Variants in RRAGD observed in about 807,000 individuals in gnomAD.
RRAGD encodes the protein ras-related GTP-binding protein D.
Under a neutral mutation model 35.5 loss-of-function variants are expected in RRAGD, and 12 were observed. The observed-to-expected ratio is 0.34, with a 90% CI of 0.22 to 0.55. The LOEUF is 0.55. Ranked by LOEUF, RRAGD falls within the 20% of genes least tolerant of loss-of-function variation. RRAGD has a pLI of 0.91. For missense variants in RRAGD, 324 were observed against 490.1 expected, an observed-to-expected ratio of 0.66 and a Z score of 3.20; for synonymous variants, 155 against 178.9, an observed-to-expected ratio of 0.87 and a Z score of 1.07.
Position 89,411,575 on chromosome 6 carries a change from C to T in RRAGD, c.148+271G>A. On this transcript the variant is annotated intron_variant, in intron 1 of 6. Transcript: ENST00000369415. The surrounding 1 kb of genome is among the most constrained non-coding windows in gnomAD (Gnocchi z 5.6). The stretch of plus-strand genomic sequence containing the variant: ...CGGGAGGCACCGGCTCTGAAAGGGG[C>T]AGAAGCGCGCGCTCCTCCAGCCCAG... The T allele has an allele frequency of 2.0e-6, 1 of 497,772 alleles. No homozygotes were observed. Among genetic ancestry groups the T allele is most frequent in the Non-Finnish European group, 3.6e-6 (1 of 277,680 alleles). 30.8% of individuals were successfully genotyped at this position (497,772 alleles called of 1,614,324 possible). A position where few individuals can be genotyped will look rare whatever the true frequency, so the allele number is the denominator to read the frequency against.
chr6:89,411,742 G>T lies in RRAGD; in HGVS notation c.148+104C>A, dbSNP rs959471777. 7.8e-7 allele frequency: 1 copy of T among 1,289,608 alleles called. No homozygotes were observed. The highest frequency in any genetic ancestry group is 1.1e-6 in the Non-Finnish European group (1 of 951,338). The allele number at this position is 1,289,608 out of a possible 1,614,324, so 79.9% of individuals were successfully genotyped here. On this transcript the variant is annotated intron_variant, in intron 1 of 6. Transcript: ENST00000369415. This position sits in a 1 kb window ranked among gnomAD's most constrained non-coding sequence, Gnocchi z 5.6. Reference sequence around the variant, plus strand: ...ACCCTCAACTGGACCCGCTCCCCTGGACCCCCTCCAAGTCGGTGGCTCGCG... The same window carrying T: ...ACCCTCAACTGGACCCGCTCCCCTGTACCCCCTCCAAGTCGGTGGCTCGCG...
chr6:89,381,560 C>G (rs75283929), intron 2 of RRAGD, among the ~76,000 whole-genome samples: 3 of 152,202 alleles, frequency 2.0e-5, no homozygotes, highest in Non-Finnish European at 4.4e-5. Flanking sequence ...TACATTAATA[C>G]AGACATATAT....
intron 5 of RRAGD, among the ~76,000 whole-genome samples, chr6:89,376,895 T>C (rs9359850): frequency 0.032 from 4,868 of 152,206 alleles, 306 homozygotes; most frequent in East Asian, 0.27. Context: ...CAACACAGAT[T>C]TGAACTGCCT....
chr6:89,385,709 T>C (rs928811055), intron 2 of RRAGD, among the ~76,000 whole-genome samples: 9 of 152,070 alleles, frequency 5.9e-5, no homozygotes, highest in Non-Finnish European at 5.9e-5. Flanking sequence ...AGATCAGGCA[T>C]TGGATTTGAA....
intron 1 of RRAGD, among the ~76,000 whole-genome samples, chr6:89,405,114 G>T (rs1269500724): frequency 6.6e-6 from 1 of 152,066 alleles, no homozygotes; most frequent in Non-Finnish European, 1.5e-5. Flanking sequence ...ACTTTGGGAG[G>T]CCAAGGTGGG....
intron 1 of RRAGD, among the ~76,000 whole-genome samples, chr6:89,389,160 A>C (rs1769187512): frequency 6.6e-6 from 1 of 152,158 alleles, no homozygotes; most frequent in Admixed American, 6.5e-5. Context: ...ATCCTCACAG[A>C]AAGTTCTAGA....
chr6:89,377,197 ATTAATAG>A (rs1405159096), intron 5 of RRAGD, among the ~76,000 whole-genome samples: 1 of 152,228 alleles, frequency 6.6e-6, no homozygotes, highest in Non-Finnish European at 1.5e-5. Flanking sequence ...GACTATTAGT[ATTAATAG>A]TTAAGTTTGT....
At chr6:89,396,807 T>A (rs924018248) in intron 1 of RRAGD, among the ~76,000 whole-genome samples, 2 of 145,058 alleles carry the variant, frequency 1.4e-5, no homozygotes, top group Admixed American at 7.2e-5. Flanking sequence ...AGTGGCATGA[T>A]CTTGGCTCAC....
chr6:89,369,756 G>A (rs930322669), intron 6 of RRAGD, among the ~76,000 whole-genome samples: 1 of 152,170 alleles, frequency 6.6e-6, no homozygotes, highest in Non-Finnish European at 1.5e-5. Context: ...ATTTCAAAAT[G>A]TAACAGTAAT....
intron 4 of RRAGD, among the ~76,000 whole-genome samples, chr6:89,378,288 G>A (rs1413617386): frequency 2.7e-5 from 4 of 146,274 alleles, no homozygotes; most frequent in African/African-American, 1.1e-4. Flanking sequence ...GGCAACAAGA[G>A]CAAAACTCCG....
intron 1 of RRAGD, among the ~76,000 whole-genome samples, chr6:89,404,484 T>C (rs1275852100): frequency 1.3e-5 from 2 of 152,190 alleles, no homozygotes; most frequent in Non-Finnish European, 2.9e-5. Context: ...GGACACCAAA[T>C]AGACCTCACC....
At chr6:89,399,931 C>T (rs533095006) in intron 1 of RRAGD, among the ~76,000 whole-genome samples, 2 of 152,158 alleles carry the variant, frequency 1.3e-5, no homozygotes, top group Admixed American at 6.5e-5. Context: ...CAAACTTCAC[C>T]GGCCCAGTGA....
intron 2 of RRAGD, among the ~76,000 whole-genome samples, chr6:89,383,750 CGG>C (rs1769089515): frequency 6.6e-6 from 1 of 151,850 alleles, no homozygotes; most frequent in African/African-American, 2.4e-5. Context: ...TATATTTATC[CGG>C]CAATCCTGTG....
intron 6 of RRAGD, among the ~76,000 whole-genome samples, chr6:89,368,875 C>G (rs752765509): frequency 3.5e-4 from 53 of 152,200 alleles, no homozygotes; most frequent in South Asian, 2.1e-4. Flanking sequence ...AAAAGATAAT[C>G]CAAAGTCTTG....
intron 1 of RRAGD, among the ~76,000 whole-genome samples, chr6:89,387,867 C>T (rs926738398): frequency 3.9e-5 from 6 of 152,140 alleles, no homozygotes; most frequent in East Asian, 1.9e-4. Flanking sequence ...TACACCATCC[C>T]GGAGGCCAGA....
At chr6:89,371,252 G>A (rs1768849628) in intron 6 of RRAGD, among the ~76,000 whole-genome samples, 1 of 152,000 alleles carries the variant, frequency 6.6e-6, no homozygotes, top group Non-Finnish European at 1.5e-5. Context: ...ACTTTGGGAT[G>A]TCGAGGTGGG....
intron 6 of RRAGD, 89 bp downstream of exon 6, chr6:89,372,348 T>G: frequency 1.4e-6 from 2 of 1,392,362 alleles, no homozygotes; most frequent in African/African-American, 2.9e-5. Flanking sequence ...AGGGCTATGC[T>G]GTTGTCCACC....
Position 89,411,849 on chromosome 6 carries a change from C to T in RRAGD, c.145G>A (p.Gly49Arg). The change falls in exon 1 of 7, where the codon GGA (glycine) becomes AGA (arginine). Residue 49 changes from glycine (G) to arginine (R), a missense_variant. By Grantham distance (125) the Gly-to-Arg change is moderately radical. This residue lies in a region of RRAGD where 96 missense variants were observed against 78.7 expected (regional missense o/e 1.22). Coordinates refer to ENST00000369415, the MANE Select transcript of RRAGD (RefSeq NM_021244.5). This position sits in a 1 kb window ranked among gnomAD's most constrained non-coding sequence, Gnocchi z 5.6. ...DADPDSGTEEGVLDFSDPFST... is the reference protein window; with the variant it reads ...DADPDSGTEERVLDFSDPFST... ...GACGCGGGGGCCGGGCGCTCACCTCCCTCCTCTGTGCCGCTGTCCGGATCG... is the reference window on the plus strand; with the variant it reads ...GACGCGGGGGCCGGGCGCTCACCTCTCTCCTCTGTGCCGCTGTCCGGATCG... The T allele has an allele frequency of 1.3e-6, 2 of 1,551,854 alleles. No homozygotes were observed. The highest frequency in any genetic ancestry group is 1.7e-6 in the Non-Finnish European group (2 of 1,151,486).
chr6:89,388,458 C>T (rs764987116), intron 1 of RRAGD, among the ~76,000 whole-genome samples: 11 of 151,844 alleles, frequency 7.2e-5, no homozygotes, highest in Non-Finnish European at 7.4e-5. Context: ...TGGCCCTCAC[C>T]GCCAAAAATG....
Sources: allele counts gnomAD v4.1 joint callset (sites outside exome capture counted in the v4.1 genomes callset), GRCh38; gene constraint gnomAD v4.1.1; regional missense constraint gnomAD v4.1.1; non-coding constraint Gnocchi (gnomAD v3.1); transcripts MANE v1.5; gene names NCBI Gene and HGNC (gene_info 2026-07-23, HGNC 2026-07-21).